GPC3: variants seen among roughly 807,000 people sequenced by gnomAD.
GPC3 encodes the protein glypican 3, also known as glypican-3.
A neutral mutation model predicts 34.4 loss-of-function variants in GPC3; 3 were observed. The observed-to-expected ratio is 0.09, with a 90% CI of 0.04 to 0.23. The LOEUF (loss-of-function observed/expected upper bound fraction) is 0.23. GPC3 is among the 10% of genes least tolerant of loss of function. The pLI, the probability that GPC3 is intolerant of heterozygous loss-of-function variation, is 1.00. For missense variants in GPC3, 351 were observed against 445.6 expected (o/e 0.79, Z 1.91); for synonymous variants, 177 against 174.0 (o/e 1.02, Z -0.13).
intron 2 of GPC3, among the ~76,000 whole-genome samples, chrX:133,884,873 C>T (rs1468663038): frequency 3.6e-5 from 4 of 111,728 alleles, no homozygotes; most frequent in East Asian, 2.8e-4. Flanking sequence ...GAAAGTCACA[C>T]GACTAATCAC....
chrX:133,541,757 G>A (rs183013815), intron 7 of GPC3, among the ~76,000 whole-genome samples: 6 of 111,771 alleles, frequency 5.4e-5, no homozygotes, highest in Admixed American at 9.5e-5. Flanking sequence ...GTTATTCAGC[G>A]TCTCCTAGCA....
chrX:133,669,465 A>T (rs2070805724), intron 5 of GPC3, among the ~76,000 whole-genome samples: 1 of 111,934 alleles, frequency 8.9e-6, no homozygotes, highest in African/African-American at 3.3e-5. Flanking sequence ...TAATTCATTA[A>T]TTCAGCATTT....
intron 6 of GPC3, among the ~76,000 whole-genome samples, chrX:133,650,460 CA>C (rs1280907818): frequency 8.0e-4 from 45 of 56,218 alleles, no homozygotes; most frequent in South Asian, 3.5e-3. Context: ...CACCCACCCA[CA>C]CACACACACA....
At chrX:133,958,723 A>C (rs34605408) in intron 1 of GPC3, among the ~76,000 whole-genome samples, 1 of 104,409 alleles carries the variant, frequency 9.6e-6, no homozygotes, top group East Asian at 3.0e-4. Context: ...AAAAAAAAAA[A>C]CAAAAAAAAA....
intron 7 of GPC3, among the ~76,000 whole-genome samples, chrX:133,568,791 G>C (rs2069602107): frequency 9.0e-6 from 1 of 110,835 alleles, no homozygotes; most frequent in Non-Finnish European, 1.9e-5. Context: ...GAAAAAAATG[G>C]TATATAGAGA....
At chrX:133,984,253 AC>A (rs371161895) in intron 1 of GPC3, among the ~76,000 whole-genome samples, 185 of 113,690 alleles carry the variant, frequency 1.6e-3, no homozygotes, top group African/African-American at 5.3e-3. Flanking sequence ...ACGGAATACA[AC>A]TGGCCGTTTC....
intron 1 of GPC3, among the ~76,000 whole-genome samples, chrX:133,981,798 T>G (rs1442322766): frequency 8.9e-6 from 1 of 112,386 alleles, no homozygotes; most frequent in East Asian, 2.8e-4. Context: ...CTTTTTATTT[T>G]TATGTTGTTT....
intron 7 of GPC3, among the ~76,000 whole-genome samples, chrX:133,555,218 ACT>A (rs1183847491): frequency 8.9e-6 from 1 of 111,796 alleles, no homozygotes; most frequent in African/African-American, 3.3e-5. Context: ...CAGGCTGGCC[ACT>A]CTCTGTCTTG....
intron 6 of GPC3, among the ~76,000 whole-genome samples, chrX:133,615,712 C>T (rs1461982225): frequency 1.9e-5 from 2 of 107,723 alleles, no homozygotes; most frequent in Non-Finnish European, 3.8e-5. Context: ...ATGTAACAAA[C>T]CCGCACGTTG....
At chrX:133,547,253 A>C (rs1195481553) in intron 7 of GPC3, among the ~76,000 whole-genome samples, 2 of 111,934 alleles carry the variant, frequency 1.8e-5, no homozygotes, top group African/African-American at 3.2e-5. Context: ...AAAGATAGCA[A>C]AGTATATATG....
At chrX:133,862,661 G>C (rs1243999298) in intron 2 of GPC3, among the ~76,000 whole-genome samples, 1 of 110,275 alleles carries the variant, frequency 9.1e-6, no homozygotes, top group African/African-American at 3.3e-5. Flanking sequence ...CTGCACTCCA[G>C]CCTGGGCAAC....
At chrX:133,924,718 G>A (rs1347373587) in intron 2 of GPC3, among the ~76,000 whole-genome samples, 2 of 111,941 alleles carry the variant, frequency 1.8e-5, no homozygotes, top group African/African-American at 6.5e-5. Flanking sequence ...CTCAAAAAGT[G>A]AATAGGAAAA....
intron 6 of GPC3, among the ~76,000 whole-genome samples, chrX:133,656,981 T>A (rs948133499): frequency 5.4e-4 from 60 of 111,623 alleles, no homozygotes; most frequent in Non-Finnish European, 4.7e-4. Context: ...CTGGAAGGAA[T>A]CTTAAGAGGC....
intron 2 of GPC3, among the ~76,000 whole-genome samples, chrX:133,951,047 AGTGTGTGTGTGTGT>A (rs373690687): frequency 1.2e-4 from 9 of 76,704 alleles, no homozygotes; most frequent in East Asian, 9.1e-4. Flanking sequence ...AATTCAAGAA[AGTGTGTGTGTGTGT>A]GTGTGTGTGT....
intron 3 of GPC3, among the ~76,000 whole-genome samples, chrX:133,723,642 G>A (rs1410542826): frequency 7.2e-5 from 8 of 110,662 alleles, no homozygotes; most frequent in African/African-American, 1.3e-4. Flanking sequence ...GCAAGATCTC[G>A]TTGTTTAAAA....
chrX:133,830,196 G>A lies in GPC3; in HGVS notation c.338-76020C>T, dbSNP rs112154170. The stretch of plus-strand genomic sequence containing the variant: ...TAAAGGGATAGATATATACATTCCC[G>A]GAATACAACCGAGAGTCCAGAAATA... On this transcript the variant is annotated intron_variant, in intron 2 of 7. Coordinates refer to ENST00000370818, the MANE Select transcript of GPC3 (RefSeq NM_004484.4). 2.7e-3 allele frequency among the ~76,000 whole-genome samples: 299 copies of A among 111,391 alleles called. 1 individual carries two copies. Among genetic ancestry groups the A allele is most frequent in the African/African-American group, 8.7e-3 (267 of 30,680 alleles).
chrX:133,954,835 C>A (rs1211291657), intron 1 of GPC3, among the ~76,000 whole-genome samples: 1 of 104,790 alleles, frequency 9.5e-6, no homozygotes, highest in Non-Finnish European at 1.9e-5. Flanking sequence ...GCAACCTCCA[C>A]CTCCCGGGTT....
rs914744679 is a variant in GPC3, at chrX:133,865,035, CTCT to C, written c.337+88012_337+88014del. On this transcript the variant is annotated intron_variant, in intron 2 of 7. Coordinates refer to ENST00000370818, the MANE Select transcript of GPC3 (RefSeq NM_004484.4). ...CTCGTACTTTAAATGTGATATTGTT[CTCT>C]TTTTTTTTAATTTAGCATGTCCAGC... Among the ~76,000 whole-genome samples the C allele has an allele frequency of 5.3e-5, 6 of 112,269 alleles. No individual in the cohort carries two copies. The Admixed American group carries it at 5.7e-4, about 11-fold the overall frequency.
intron 2 of GPC3, among the ~76,000 whole-genome samples, chrX:133,819,412 G>A (rs1476244723): frequency 2.7e-5 from 3 of 109,435 alleles, no homozygotes; most frequent in Non-Finnish European, 5.7e-5. Context: ...TTGACATAGA[G>A]TACAATATCA....
Sources: allele counts gnomAD v4.1 joint callset (sites outside exome capture counted in the v4.1 genomes callset), GRCh38; gene constraint gnomAD v4.1.1; transcripts MANE v1.5; gene names NCBI Gene and HGNC (gene_info 2026-07-23, HGNC 2026-07-21).